The following PRKAA1 variants were observed in gnomAD, a reference collection of about 807,000 sequenced individuals.
The protein encoded by PRKAA1 is protein kinase AMP-activated catalytic subunit alpha 1.
Under a neutral mutation model 56.9 loss-of-function variants are expected in PRKAA1, and 23 were observed. That is an observed-to-expected ratio of 0.40 (90% CI 0.29 to 0.57). PRKAA1 has a LOEUF of 0.57. Ranked by LOEUF, PRKAA1 falls within the 20% of genes least tolerant of loss-of-function variation. The pLI is 0.39. For synonymous variants in PRKAA1, 226 were observed against 227.0 expected (o/e 1.00, Z 0.04); for missense variants, 413 against 679.7 (o/e 0.61, Z 4.36).
At chr5:40,784,268 AT>A (rs1369662656) in intron 1 of PRKAA1, among the ~76,000 whole-genome samples, 2 of 152,196 alleles carry the variant, frequency 1.3e-5, no homozygotes, top group East Asian at 3.8e-4. Context: ...TGTAGATGCA[AT>A]AGCATTCCTT....
Position 40,785,839 on chromosome 5 carries a change from C to CAGAGAGAGAG in PRKAA1, c.128-8263_128-8254dup, listed in dbSNP as rs10594859. Among the ~76,000 whole-genome samples, 8 of 58,462 alleles carry CAGAGAGAGAG rather than the reference C, an allele frequency of 1.4e-4. No homozygotes were observed. The East Asian group carries it at 2.5e-3, about 18-fold the overall frequency. 38.4% of individuals were successfully genotyped at this position (58,462 alleles called of 152,430 possible). A position where few individuals can be genotyped will look rare whatever the true frequency, so the allele number is the denominator to read the frequency against. On this transcript the variant is annotated intron_variant, in intron 1 of 8. Transcript: ENST00000397128. ...AGAGGAGAGCACACACACACACACA[C>CAGAGAGAGAG]AGAGAGAGAGAGAGAGAGAGAGAGA...
Position 40,762,857 on chromosome 5 carries a change from T to C in PRKAA1, c.1601A>G (p.Asp534Gly). 3 of 1,614,152 alleles carry C rather than the reference T, an allele frequency of 1.9e-6. No individual in the cohort carries two copies. Among genetic ancestry groups the C allele is most frequent in the Non-Finnish European group, 1.7e-6 (2 of 1,180,028 alleles). ...GTGACTTCCAGGTCTTGGAGTTAGG[T>C]CAACAGGAGAAGAGTCAAGTGAGGT... ...SVTSLDSSPV[D>G]LTPRPGSHTI... The change falls in exon 9 of 9, where the codon GAC becomes GGC. Residue 534 changes from aspartate to glycine, a missense_variant. Around this residue, in one of 9 missense-constraint regions of PRKAA1, gnomAD observed 139 missense variants for 171.5 expected, o/e 0.81. Transcript: ENST00000397128.
intron 3 of PRKAA1, among the ~76,000 whole-genome samples, chr5:40,773,783 A>G (rs1017544260): frequency 1.3e-5 from 2 of 152,240 alleles, no homozygotes; most frequent in African/African-American, 4.8e-5. Flanking sequence ...CAAGTGCTTG[A>G]AGTAAGAAGC....
rs2112121832 is a variant in PRKAA1 at position 40,798,065 on chromosome 5, T to C, written c.125A>G (p.Lys42Arg). 1.2e-6 allele frequency: 2 copies of C among 1,608,810 alleles called. No homozygotes were observed. The highest frequency in any genetic ancestry group is 1.7e-6 in the Non-Finnish European group (2 of 1,177,068). Reference sequence around the variant, plus strand: ...GCCTAGTCCCGCGGGGTTCTCACCCTTCACTTTGCCGAAGGTGCCGACCCC... The same window carrying C: ...GCCTAGTCCCGCGGGGTTCTCACCCCTCACTTTGCCGAAGGTGCCGACCCC... ...TLGVGTFGKV[K>R]VGKHELTGHK... Residue 42 changes from lysine (K) to arginine (R), a missense_variant and splice_region_variant, in exon 1 of 9, where the codon AAG (lysine) becomes AGG (arginine). Around this residue, in one of 9 missense-constraint regions of PRKAA1, gnomAD observed 61 missense variants for 73.1 expected, o/e 0.83. Transcript: ENST00000397128.
chr5:40,797,884 T>G (rs1029716699), intron 1 of PRKAA1, among the ~76,000 whole-genome samples, 179 bp downstream of exon 1: 3 of 146,460 alleles, frequency 2.0e-5, no homozygotes, highest in Non-Finnish European at 3.0e-5. Context: ...CCACCCGGCC[T>G]GTGCTGGCCG....
At chr5:40,772,540 AT>A (rs1743795494) in intron 3 of PRKAA1, among the ~76,000 whole-genome samples, 1 of 151,468 alleles carries the variant, frequency 6.6e-6, no homozygotes, top group African/African-American at 2.4e-5. Flanking sequence ...ATATCATAGC[AT>A]TTTATCTTTA....
intron 2 of PRKAA1, 91 bp downstream of exon 2, chr5:40,777,354 T>C: frequency 1.5e-6 from 2 of 1,374,816 alleles, no homozygotes; most frequent in Non-Finnish European, 2.0e-6. Flanking sequence ...CAAAAAGAAG[T>C]GTCAGTCATT....
intron 2 of PRKAA1, 78 bp downstream of exon 2, chr5:40,777,367 T>C: frequency 6.9e-7 from 1 of 1,444,052 alleles, no homozygotes; most frequent in Non-Finnish European, 9.5e-7. Context: ...CAGTCATTTT[T>C]CTCACTTGTC....
chr5:40,781,694 A>C (rs1325729211), intron 1 of PRKAA1, among the ~76,000 whole-genome samples: 1 of 152,208 alleles, frequency 6.6e-6, no homozygotes, highest in Non-Finnish European at 1.5e-5. Flanking sequence ...AAACATAGTC[A>C]TAGATACTGA....
chr5:40,788,185 T>C lies in PRKAA1; in HGVS notation c.127+9878A>G, dbSNP rs984150924. On this transcript the variant is annotated intron_variant, in intron 1 of 8. Coordinates refer to ENST00000397128, the MANE Select transcript of PRKAA1 (RefSeq NM_006251.6). ...ACATAAAAACAGACATGTCCACCAA[T>C]GGAATAGGATGGATAGCCCAGAATA... Among the ~76,000 whole-genome samples, 12 of 152,050 alleles carry C rather than the reference T, an allele frequency of 7.9e-5. 1 individual carries two copies. The highest frequency in any genetic ancestry group is 5.9e-4 in the Admixed American group (9 of 15,264).
chr5:40,767,736 A>T, intron 5 of PRKAA1, 46 bp from the exon 6 acceptor site: 1 of 1,484,402 alleles, frequency 6.7e-7, no homozygotes, highest in Non-Finnish European at 9.2e-7. Flanking sequence ...TTTTAACCTA[A>T]GATTCAGTTC....
intron 4 of PRKAA1, among the ~76,000 whole-genome samples, chr5:40,771,423 G>A (rs1163696585): frequency 2.0e-5 from 3 of 152,150 alleles, no homozygotes; most frequent in African/African-American, 7.2e-5. Flanking sequence ...GGGTCACCTG[G>A]CCCAGTAGTT....
At chr5:40,791,416 A>C (rs1744712846) in intron 1 of PRKAA1, among the ~76,000 whole-genome samples, 1 of 152,262 alleles carries the variant, frequency 6.6e-6, no homozygotes. Flanking sequence ...CAAGAATAGC[A>C]GATTAGTCAA....
At chr5:40,777,996 C>T (rs1470454918) in intron 1 of PRKAA1, among the ~76,000 whole-genome samples, 1 of 152,184 alleles carries the variant, frequency 6.6e-6, no homozygotes, top group Non-Finnish European at 1.5e-5. Context: ...ATCGCTTGAA[C>T]CCAGGAGGCG....
intron 8 of PRKAA1, among the ~76,000 whole-genome samples, chr5:40,763,292 C>CTT (rs1743281013): frequency 3.3e-5 from 5 of 152,124 alleles, no homozygotes; most frequent in Admixed American, 3.3e-4. Context: ...AGTAAACCAA[C>CTT]AATCTAGGGA....
At chr5:40,766,955 C>G (rs1258648499) in intron 6 of PRKAA1, among the ~76,000 whole-genome samples, 1 of 152,076 alleles carries the variant, frequency 6.6e-6, no homozygotes, top group Non-Finnish European at 1.5e-5. Flanking sequence ...GAGTTACTGG[C>G]TACAGTGAGC....
intron 3 of PRKAA1, 108 bp from the exon 4 acceptor site, chr5:40,771,971 A>G: frequency 7.8e-7 from 1 of 1,286,002 alleles, no homozygotes; most frequent in Non-Finnish European, 1.1e-6. Flanking sequence ...AATCTTCCCA[A>G]TGAACTTCAC....
chr5:40,786,381 G>T (rs555845831), intron 1 of PRKAA1, among the ~76,000 whole-genome samples: 5 of 152,146 alleles, frequency 3.3e-5, no homozygotes, highest in Admixed American at 1.3e-4. Context: ...TACTGGCAAA[G>T]AATAATTTTC....
At chr5:40,769,084 A>C (rs1269854433) in intron 5 of PRKAA1, 2 of 630,798 alleles carry the variant, frequency 3.2e-6, no homozygotes, top group African/African-American at 1.9e-5. Flanking sequence ...TACATGTTTA[A>C]TTTTTCCTCT....
Sources: gnomAD v4.1 joint callset for allele counts (sites outside exome capture counted in the v4.1 genomes callset) on GRCh38, gnomAD v4.1.1 for gene constraint, gnomAD v4.1.1 regional missense constraint, MANE v1.5 for transcripts, NCBI Gene and HGNC (gene_info 2026-07-23, HGNC 2026-07-21) for gene names.